The following PPFIBP1 variants were observed in gnomAD, a reference collection of about 807,000 sequenced individuals.
PPFIBP1 encodes the protein PPFIB scaffold protein 1, also known as liprin-beta-1.
A neutral mutation model predicts 137.8 loss-of-function variants in PPFIBP1; 112 were observed. The observed-to-expected ratio is 0.81, with a 90% CI of 0.70 to 0.95. The LOEUF is 0.95. Among genes scored for constraint, PPFIBP1 ranks in the 40% least tolerant of loss-of-function variants. PPFIBP1 has a pLI of 0.00. For synonymous variants in PPFIBP1, 378 were observed against 417.3 expected, an observed-to-expected ratio of 0.91 and a Z score of 1.15; for missense variants, 1,083 against 1,196.6, an observed-to-expected ratio of 0.91 and a Z score of 1.40.
At chr12:27,669,236 G>T (rs1446617425) in intron 13 of PPFIBP1, among the ~76,000 whole-genome samples, 1 of 152,172 alleles carries the variant, frequency 6.6e-6, no homozygotes, top group Non-Finnish European at 1.5e-5. Context: ...TCACTTAAAT[G>T]TAGGAGAGGG....
chr12:27,534,453 T>C (rs1425589719), intron 1 of PPFIBP1, among the ~76,000 whole-genome samples: 2 of 151,674 alleles, frequency 1.3e-5, no homozygotes, highest in Admixed American at 6.6e-5. Flanking sequence ...GGAGGAAAAA[T>C]TTGAAAGAAT....
At chr12:27,670,602 C>T (rs1402466613) in intron 13 of PPFIBP1, among the ~76,000 whole-genome samples, 1 of 151,924 alleles carries the variant, frequency 6.6e-6, no homozygotes, top group African/African-American at 2.4e-5. Context: ...ATAGGGAAAC[C>T]GTGTTTCTAC....
chr12:27,615,365 A>G (rs1040282756), intron 2 of PPFIBP1, among the ~76,000 whole-genome samples: 2 of 152,232 alleles, frequency 1.3e-5, no homozygotes, highest in Non-Finnish European at 2.9e-5. Context: ...ATAATCATGC[A>G]TGCAAAATGC....
intron 1 of PPFIBP1, among the ~76,000 whole-genome samples, chr12:27,561,305 T>C (rs1300652365): frequency 6.6e-6 from 1 of 152,214 alleles, no homozygotes; most frequent in Non-Finnish European, 1.5e-5. Context: ...TTGGCCTCCT[T>C]TCTGGGGGTA....
chr12:27,682,513 T>G lies in PPFIBP1; in HGVS notation c.2158+15T>G. 6.2e-7 allele frequency: 1 copy of G among 1,607,564 alleles called. No individual in the cohort carries two copies. The highest frequency in any genetic ancestry group is 8.5e-7 in the Non-Finnish European group (1 of 1,175,282). On this transcript the variant is annotated intron_variant, in intron 23 of 29. Coordinates refer to ENST00000228425, the MANE Select transcript of PPFIBP1 (RefSeq NM_003622.4). ...CTGGGTCACTAGTAAGAAGTTTTTA[T>G]TCTAACAAAATGAAATAATTATATA...
intron 3 of PPFIBP1, among the ~76,000 whole-genome samples, chr12:27,634,009 G>A (rs761466084): frequency 1.6e-4 from 24 of 151,252 alleles, no homozygotes; most frequent in Non-Finnish European, 2.5e-4. Context: ...GCTAATTTTT[G>A]TATTTTTAGT....
intron 13 of PPFIBP1, among the ~76,000 whole-genome samples, chr12:27,670,043 T>C (rs1431442951): frequency 2.6e-5 from 4 of 152,150 alleles, no homozygotes; most frequent in Non-Finnish European, 5.9e-5. Flanking sequence ...GGTGTGAGTC[T>C]TTATCAGGCA....
intron 28 of PPFIBP1, 37 bp downstream of exon 28, chr12:27,691,965 C>A: frequency 6.5e-7 from 1 of 1,531,500 alleles, no homozygotes; most frequent in Non-Finnish European, 8.8e-7. Context: ...GCGAGTTCTT[C>A]CATCATTCAG....
chr12:27,692,411 T>A, intron 28 of PPFIBP1, among the ~76,000 whole-genome samples, 180 bp from the exon 29 acceptor site: 1 of 152,232 alleles, frequency 6.6e-6, no homozygotes, highest in Admixed American at 6.5e-5. Context: ...GTAAAGTGTC[T>A]CTTCTAATTT....
At position 27,611,571 on chromosome 12, in the gene PPFIBP1, C is replaced by A. The variant is rs146311941; in HGVS notation, c.-35-21791C>A. ...AATTTTGAAAGGACATAATTAAACA[C>A]ATCACATCATCCGTAGTTGAACCGC... On this transcript the variant is annotated intron_variant, in intron 2 of 29. Coordinates refer to ENST00000228425, the MANE Select transcript of PPFIBP1 (RefSeq NM_003622.4). Among the ~76,000 whole-genome samples, 57 of 152,308 alleles carry A rather than the reference C, an allele frequency of 3.7e-4. No homozygotes were observed. The Middle Eastern group carries it at 0.01, about 27-fold the overall frequency.
At chr12:27,569,976 C>T (rs2050002784) in intron 1 of PPFIBP1, among the ~76,000 whole-genome samples, 1 of 152,154 alleles carries the variant, frequency 6.6e-6, no homozygotes, top group Non-Finnish European at 1.5e-5. Flanking sequence ...ATTAATTAAA[C>T]CATTTACCAT....
At chr12:27,635,838 C>T (rs1281268586) in intron 4 of PPFIBP1, 1 of 152,180 alleles carries the variant, frequency 6.6e-6, no homozygotes, top group Non-Finnish European at 1.5e-5. Flanking sequence ...TTTGTCTGGG[C>T]ACGGTTGGAA....
chr12:27,661,419 A>G (rs2059539836), intron 11 of PPFIBP1, among the ~76,000 whole-genome samples: 2 of 152,176 alleles, frequency 1.3e-5, no homozygotes. Flanking sequence ...ACCAGAAAAC[A>G]GCGGCATGGG....
rs2057396744 is a variant in PPFIBP1 at position 27,633,384 on chromosome 12, G to C, written c.-13G>C. 5.0e-6 allele frequency: 8 copies of C among 1,613,662 alleles called. No individual in the cohort carries two copies. The East Asian group carries it at 1.8e-4, about 36-fold the overall frequency. On this transcript the variant is annotated 5_prime_UTR_variant, in exon 3 of 30. Coordinates refer to ENST00000228425, the MANE Select transcript of PPFIBP1 (RefSeq NM_003622.4). The stretch of plus-strand genomic sequence containing the variant: ...CAGATCTGGGTTGGAATTTGCCCCT[G>C]ACAAATAATAAAATGATGAGTGATG...
intron 1 of PPFIBP1, among the ~76,000 whole-genome samples, chr12:27,528,652 T>C (rs1944051431): frequency 6.6e-6 from 1 of 152,184 alleles, no homozygotes; most frequent in East Asian, 1.9e-4. Flanking sequence ...AGTGATAATG[T>C]TTCCAGAAGC....
intron 2 of PPFIBP1, among the ~76,000 whole-genome samples, chr12:27,595,274 A>T (rs1159487784): frequency 6.6e-6 from 1 of 152,214 alleles, no homozygotes; most frequent in African/African-American, 2.4e-5. Context: ...GCATACACAC[A>T]TGCGTGTGCT....
intron 4 of PPFIBP1, among the ~76,000 whole-genome samples, chr12:27,638,265 A>G (rs1364803242): frequency 6.6e-6 from 1 of 152,220 alleles, no homozygotes; most frequent in Admixed American, 6.5e-5. Flanking sequence ...GCATCCTAGA[A>G]TTTAAGGAAC....
At chr12:27,679,330 T>C (rs183033041) in intron 19 of PPFIBP1, among the ~76,000 whole-genome samples, 159 bp from the exon 20 acceptor site, 1 of 152,356 alleles carries the variant, frequency 6.6e-6, no homozygotes, top group East Asian at 1.9e-4. Context: ...GAGCAGAACG[T>C]ATATGTGTGT....
intron 2 of PPFIBP1, among the ~76,000 whole-genome samples, chr12:27,593,129 C>CAA (rs33939858): frequency 1.6e-4 from 16 of 100,918 alleles, no homozygotes; most frequent in East Asian, 3.3e-4. Context: ...AAGAATGTCT[C>CAA]AAAAAAAAAA....
Sources: allele counts gnomAD v4.1 joint callset (sites outside exome capture counted in the v4.1 genomes callset), GRCh38; gene constraint gnomAD v4.1.1; transcripts MANE v1.5; gene names NCBI Gene and HGNC (gene_info 2026-07-23, HGNC 2026-07-21).